The following CLNK variants were observed in gnomAD, a reference collection of about 807,000 sequenced individuals.
The protein encoded by CLNK is cytokine-dependent hematopoietic cell linker.
CLNK carries 74 observed loss-of-function variants against 68.6 expected under a neutral mutation model. That is an observed-to-expected ratio of 1.08 (90% CI 0.89 to 1.31). The LOEUF (loss-of-function observed/expected upper bound fraction) is 1.31. CLNK is among the 50% of genes most tolerant of loss of function. CLNK has a pLI of 0.00. For synonymous variants in CLNK, 198 were observed against 172.2 expected (o/e 1.15, Z -1.17); for missense variants, 553 against 515.3 (o/e 1.07, Z -0.71).
rs146159649 is a variant in CLNK at position 10,635,537 on chromosome 4, AG to A, written c.11+32321del. On this transcript the variant is annotated intron_variant, in intron 2 of 18. Coordinates refer to ENST00000226951, the MANE Select transcript of CLNK (RefSeq NM_052964.4). ...TCCACCATCTGTGCTGGATGTGGAA[AG>A]CGACTGTCTGAAAATAAAGCTGATA... Among the ~76,000 whole-genome samples the A allele has an allele frequency of 5.5e-3, 834 of 152,300 alleles. 11 individuals are homozygous for A. Among genetic ancestry groups the A allele is most frequent in the African/African-American group, 0.019 (796 of 41,564 alleles).
chr4:10,626,870 C>T (rs371648856), intron 2 of CLNK, among the ~76,000 whole-genome samples: 205 of 152,274 alleles, frequency 1.3e-3, no homozygotes, highest in African/African-American at 4.4e-3. Context: ...CTTTCACTAC[C>T]TTTGTGTTCT....
chr4:10,530,209 A>G (rs959991994), intron 12 of CLNK, among the ~76,000 whole-genome samples: 3 of 151,316 alleles, frequency 2.0e-5, no homozygotes, highest in African/African-American at 7.3e-5. Flanking sequence ...GGGTGTGAGG[A>G]CTCTGGCCAA....
At chr4:10,652,815 A>T (rs1723805120) in intron 2 of CLNK, among the ~76,000 whole-genome samples, 1 of 152,184 alleles carries the variant, frequency 6.6e-6, no homozygotes. Context: ...GGTGGTATCT[A>T]CCTTCTTTTC....
At chr4:10,628,620 A>G (rs1402208952) in intron 2 of CLNK, among the ~76,000 whole-genome samples, 6 of 152,174 alleles carry the variant, frequency 3.9e-5, no homozygotes, top group African/African-American at 1.4e-4. Flanking sequence ...ATTCCCTGGG[A>G]CGAACTGTGC....
At chr4:10,726,792 G>C in the CLNK span, among the ~76,000 whole-genome samples, 1 of 152,178 alleles carries the variant, frequency 6.6e-6, no homozygotes, top group Non-Finnish European at 1.5e-5. Flanking sequence ...ACATGGTTTA[G>C]AATCCCTCTT....
chr4:10,675,529 C>G (rs1379230673), intron 1 of CLNK, among the ~76,000 whole-genome samples: 1 of 152,176 alleles, frequency 6.6e-6, no homozygotes, highest in African/African-American at 2.4e-5. Flanking sequence ...CCAAACTGAG[C>G]TTGCAAAGAG....
At chr4:10,699,506 A>AT in the CLNK span, among the ~76,000 whole-genome samples, 7 of 26,202 alleles carry the variant, frequency 2.7e-4, no homozygotes, top group Non-Finnish European at 4.9e-4. Context: ...ATATATATAT[A>AT]TATATATTTT....
rs116048192 is a variant in CLNK at position 10,590,897 on chromosome 4, C to T, written c.84-5942G>A. Among the ~76,000 whole-genome samples the T allele has an allele frequency of 8.5e-3, 1,287 of 152,104 alleles. 25 individuals are homozygous for T. The highest frequency in any genetic ancestry group is 0.03 in the African/African-American group (1,236 of 41,496). On this transcript the variant is annotated intron_variant, in intron 3 of 18. Transcript: ENST00000226951. ...AGCATCTTTATCTCAATTTTAGGGC[C>T]ATTGTAAAATATCACTAGTGCCAAA...
At position 10,579,499 on chromosome 4, in the gene CLNK, C is replaced by G. The variant is rs148885355; in HGVS notation, c.112+5428G>C. On this transcript the variant is annotated intron_variant, in intron 4 of 18. Transcript: ENST00000226951. ...GATGGATCACATATATGACCGTGGTCTCATAAGAATATAATGGAGCAGAAA... is the reference window on the plus strand; with the variant it reads ...GATGGATCACATATATGACCGTGGTGTCATAAGAATATAATGGAGCAGAAA... Among the ~76,000 whole-genome samples, 260 of 152,196 alleles carry G rather than the reference C, an allele frequency of 1.7e-3. 1 individual carries two copies. Among genetic ancestry groups the G allele is most frequent in the Non-Finnish European group, 3.1e-3 (213 of 68,010 alleles).
chr4:10,709,567 CT>C, the CLNK span, among the ~76,000 whole-genome samples: 1 of 152,296 alleles, frequency 6.6e-6, no homozygotes, highest in Non-Finnish European at 1.5e-5. Context: ...CTATTCCTCT[CT>C]GTAGCCAGGT....
the CLNK span, among the ~76,000 whole-genome samples, chr4:10,704,028 G>A: frequency 6.6e-6 from 1 of 152,152 alleles, no homozygotes; most frequent in Non-Finnish European, 1.5e-5. Context: ...TTATTTGAGA[G>A]TGTATGGTGG....
the CLNK span, among the ~76,000 whole-genome samples, chr4:10,694,947 T>C: frequency 6.0e-4 from 91 of 152,214 alleles, no homozygotes; most frequent in Non-Finnish European, 4.9e-4. Flanking sequence ...AGTCAAGTTA[T>C]TTCCATATCT....
Position 10,613,673 on chromosome 4 carries a change from C to A in CLNK, c.12-15624G>T, listed in dbSNP as rs896001315. ...GGGATAAAGTGGAAGCAGAGAGACC[C>A]TTTGGGAAGCTATTGCCACAACCCC... On this transcript the variant is annotated intron_variant, in intron 2 of 18. Transcript: ENST00000226951. Among the ~76,000 whole-genome samples the A allele has an allele frequency of 3.9e-5, 6 of 152,274 alleles. No homozygotes were observed. The South Asian group carries it at 8.3e-4, about 21-fold the overall frequency.
At chr4:10,539,823 T>C (rs964881077) in intron 11 of CLNK, among the ~76,000 whole-genome samples, 5 of 152,200 alleles carry the variant, frequency 3.3e-5, no homozygotes, top group Admixed American at 6.5e-5. Context: ...GGGGCCAATA[T>C]TGGTCCTGGA....
intron 18 of CLNK, among the ~76,000 whole-genome samples, chr4:10,498,443 G>T (rs1364088342): frequency 6.6e-6 from 1 of 152,198 alleles, no homozygotes; most frequent in African/African-American, 2.4e-5. Context: ...AGTGAGCCGA[G>T]ATCGCGCCAC....
At chr4:10,535,399 A>G (rs545949458) in intron 11 of CLNK, among the ~76,000 whole-genome samples, 1 of 152,332 alleles carries the variant, frequency 6.6e-6, no homozygotes, top group African/African-American at 2.4e-5. Flanking sequence ...CATATGGGAC[A>G]ATGAACCCTC....
chr4:10,542,068 TAA>T (rs2108809210), intron 9 of CLNK, 27 bp from the exon 10 acceptor site: 1 of 1,581,796 alleles, frequency 6.3e-7, no homozygotes, highest in Non-Finnish European at 8.6e-7. Flanking sequence ...AAACCTAAAT[TAA>T]GTTTATTGTT....
At chr4:10,734,527 C>T in the CLNK span, among the ~76,000 whole-genome samples, 23 of 152,274 alleles carry the variant, frequency 1.5e-4, no homozygotes, top group African/African-American at 5.5e-4. Flanking sequence ...AACAGACTCA[C>T]CATTGAAGAC....
chr4:10,510,372 T>G (rs1004329), intron 16 of CLNK, among the ~76,000 whole-genome samples: 27,796 of 152,234 alleles, frequency 0.18, 3,008 homozygotes, highest in East Asian at 0.37. Context: ...GCAGTCCTTA[T>G]GCTGACAGCC....
Sources: gnomAD v4.1 joint callset for allele counts (sites outside exome capture counted in the v4.1 genomes callset) on GRCh38, gnomAD v4.1.1 for gene constraint, MANE v1.5 for transcripts, NCBI Gene and HGNC (gene_info 2026-07-23, HGNC 2026-07-21) for gene names.